WDR64: variants seen among roughly 807,000 people sequenced by gnomAD.
WDR64 encodes the protein WD repeat-containing protein 64.
In WDR64, 112 loss-of-function variants were observed where a neutral mutation model predicts 139.3. That is an observed-to-expected ratio of 0.80 (90% confidence interval 0.69 to 0.94). The LOEUF (loss-of-function observed/expected upper bound fraction) is 0.94. WDR64 is among the 40% of genes least tolerant of loss of function. WDR64 has a pLI of 0.00. For missense variants in WDR64, 1,206 were observed against 1,293.1 expected (o/e 0.93, Z 1.03); for synonymous variants, 444 against 437.7 (o/e 1.01, Z -0.18).
At chr1:241,713,242 T>C (rs1019176659) in intron 9 of WDR64, among the ~76,000 whole-genome samples, 1 of 150,220 alleles carries the variant, frequency 6.7e-6, no homozygotes, top group African/African-American at 2.5e-5. Context: ...ACCCAGGATG[T>C]TGAGGCTGCA....
chr1:241,746,732 C>T (rs1435354591), intron 13 of WDR64, among the ~76,000 whole-genome samples: 2 of 151,122 alleles, frequency 1.3e-5, no homozygotes, highest in East Asian at 3.9e-4. Flanking sequence ...AAAAGCCAAT[C>T]TTAAAAGGTC....
At chr1:241,747,152 T>C (rs73124310) in intron 13 of WDR64, among the ~76,000 whole-genome samples, 3,136 of 152,306 alleles carry the variant, frequency 0.021, 105 homozygotes, top group African/African-American at 0.072. Context: ...TACCAAATAG[T>C]GACGGCGGGG....
intron 10 of WDR64, 91 bp downstream of exon 10, chr1:241,723,527 T>TA (rs1668689116): frequency 7.3e-7 from 1 of 1,364,520 alleles, no homozygotes; most frequent in African/African-American, 1.5e-5. Flanking sequence ...TTGACTGAAA[T>TA]AAATGATAGT....
At chr1:241,785,919 A>G (rs1288915345) in intron 23 of WDR64, among the ~76,000 whole-genome samples, 2 of 152,214 alleles carry the variant, frequency 1.3e-5, no homozygotes, top group African/African-American at 4.8e-5. Context: ...CAGGAAATCA[A>G]GCTGGGAAGC....
chr1:241,780,098 C>T (rs1658793105), intron 22 of WDR64, 36 bp downstream of exon 22: 1 of 1,498,522 alleles, frequency 6.7e-7, no homozygotes, highest in Non-Finnish European at 9.1e-7. Context: ...ATTTATGAGT[C>T]AGCATATATT....
intron 10 of WDR64, among the ~76,000 whole-genome samples, chr1:241,730,177 T>C (rs576995642): frequency 6.6e-6 from 1 of 152,234 alleles, no homozygotes; most frequent in Non-Finnish European, 1.5e-5. Flanking sequence ...TTTTTGCTTA[T>C]GTGCAGGTCT....
At chr1:241,667,360 C>A (rs575935503) in intron 2 of WDR64, among the ~76,000 whole-genome samples, 32 of 152,222 alleles carry the variant, frequency 2.1e-4, no homozygotes, top group Non-Finnish European at 2.2e-4. Context: ...GTGTGACTGG[C>A]GGAATTCTGA....
chr1:241,750,273 T>G (rs370351367), intron 14 of WDR64, among the ~76,000 whole-genome samples: 1 of 152,220 alleles, frequency 6.6e-6, no homozygotes, highest in African/African-American at 2.4e-5. Flanking sequence ...AAATTTATAA[T>G]GAAGACTAGA....
At chr1:241,735,533 CTTT>C (rs58339742) in intron 10 of WDR64, among the ~76,000 whole-genome samples, 74 of 103,488 alleles carry the variant, frequency 7.2e-4, no homozygotes, top group Non-Finnish European at 1.1e-3. Flanking sequence ...CTCTCTCTCT[CTTT>C]TTTTTTTTTT....
At position 241,711,813 on chromosome 1, in the gene WDR64, A is replaced by G. The variant is rs759647413; in HGVS notation, c.986A>G (p.Glu329Gly). 2.5e-6 allele frequency: 4 copies of G among 1,614,148 alleles called. No homozygotes were observed. The highest frequency in any genetic ancestry group is 4.5e-5 in the East Asian group (2 of 44,884). The change falls in exon 9 of 28, where the codon GAG becomes GGG. Residue 329 changes from glutamate (E) to glycine (G), a missense_variant. Coordinates refer to ENST00000437684, the MANE Select transcript of WDR64 (RefSeq NM_001367482.1). ...KRLEDNLPVR[E>G]FSMPRGANTF... ...TTTGTGTTTTCCAGGCCTGTCAGAG[A>G]GTTTTCCATGCCAAGAGGAGCCAAC... is the stretch of plus-strand genomic sequence containing the variant.
chr1:241,689,920 C>A (rs1395277786), intron 8 of WDR64, among the ~76,000 whole-genome samples: 4 of 150,508 alleles, frequency 2.7e-5, no homozygotes, highest in African/African-American at 9.8e-5. Flanking sequence ...AAAAACAAAA[C>A]AAAACAAAAA....
rs530829121 is a variant in WDR64, at chr1:241,672,998, T to C, written c.380-1646T>C. 4.6e-5 allele frequency among the ~76,000 whole-genome samples: 7 copies of C among 152,296 alleles called. No individual in the cohort carries two copies. In the East Asian group the frequency reaches 1.2e-3, roughly 25 times the overall value. ...ATCCTTTATATTCTTTTCCAGCTTC[T>C]GCATTTAAAATAGTCTGTACTAGTT... On this transcript the variant is annotated intron_variant, in intron 3 of 27. Coordinates refer to ENST00000437684, the MANE Select transcript of WDR64 (RefSeq NM_001367482.1).
rs1320091615 is a variant in WDR64, at chr1:241,683,686, C to T, written c.824C>T (p.Ser275Leu). 1 of 1,548,246 alleles carries T rather than the reference C, an allele frequency of 6.5e-7. No individual in the cohort carries two copies. Among genetic ancestry groups the T allele is most frequent in the Non-Finnish European group, 8.7e-7 (1 of 1,145,186 alleles). ...AAATTACAAAATCAGGTCTTAGACT[C>T]AAAGAACTTTAAAAGGTAAGAGTAT... ...KRKLQNQVLD[S>L]KNFKSVKRKL... Residue 275 changes from serine to leucine, a missense_variant, in exon 7 of 28, where the codon TCA (serine) becomes TTA (leucine). Ser to Leu is a moderately radical substitution (Grantham distance 145). Transcript: ENST00000437684.
intron 3 of WDR64, among the ~76,000 whole-genome samples, chr1:241,673,431 A>T (rs926024000): frequency 8.6e-5 from 13 of 151,956 alleles, no homozygotes; most frequent in Non-Finnish European, 1.6e-4. Flanking sequence ...CTTTTTTTTT[A>T]AATTACTGAA....
rs761862313 is a variant in WDR64 at position 241,795,288 on chromosome 1, G to A, written c.3078+1G>A. ...TTTCGGCTCTCTGCCTATATACAGT[G>A]TGAGTTGGAGTTTCTAGGAGTAGAG... On this transcript the variant is annotated splice_donor_variant, in intron 26 of 27. Coordinates refer to ENST00000437684, the MANE Select transcript of WDR64 (RefSeq NM_001367482.1). LOFTEE classifies it high-confidence loss of function. 1.2e-6 allele frequency: 2 copies of A among 1,611,288 alleles called. No homozygotes were observed. Among genetic ancestry groups the A allele is most frequent in the Non-Finnish European group, 1.7e-6 (2 of 1,178,410 alleles).
chr1:241,673,694 A>G (rs1666334668), intron 3 of WDR64, among the ~76,000 whole-genome samples: 1 of 152,220 alleles, frequency 6.6e-6, no homozygotes, highest in Non-Finnish European at 1.5e-5. Flanking sequence ...CTAGGGTATG[A>G]CACCTGTTCA....
At position 241,699,625 on chromosome 1, in the gene WDR64, A is replaced by C. The variant is rs571506396; in HGVS notation, c.974+12030A>C. Reference sequence around the variant, plus strand: ...AGGAAGGCTTCCTGAAGATGTCACAAATGCCGAGTTTTGAAGAATTGGTAA... The same window carrying C: ...AGGAAGGCTTCCTGAAGATGTCACACATGCCGAGTTTTGAAGAATTGGTAA... On this transcript the variant is annotated intron_variant, in intron 8 of 27. Transcript: ENST00000437684. Among the ~76,000 whole-genome samples the C allele has an allele frequency of 5.6e-4, 86 of 152,294 alleles. 1 individual carries two copies. Among genetic ancestry groups the C allele is most frequent in the African/African-American group, 1.9e-3 (81 of 41,568 alleles).
At chr1:241,680,548 T>C (rs1666743530) in intron 6 of WDR64, among the ~76,000 whole-genome samples, 1 of 152,202 alleles carries the variant, frequency 6.6e-6, no homozygotes, top group African/African-American at 2.4e-5. Flanking sequence ...AAGCCTTTAG[T>C]TCCTTGAAAA....
At chr1:241,692,238 G>A (rs754078194) in intron 8 of WDR64, among the ~76,000 whole-genome samples, 9 of 152,128 alleles carry the variant, frequency 5.9e-5, no homozygotes, top group Non-Finnish European at 1.2e-4. Flanking sequence ...AACTTGATAT[G>A]TAGAGTCAAT....
Sources: allele counts gnomAD v4.1 joint callset (sites outside exome capture counted in the v4.1 genomes callset), GRCh38; gene constraint gnomAD v4.1.1; transcripts MANE v1.5; gene names NCBI Gene and HGNC (gene_info 2026-07-23, HGNC 2026-07-21).